The following RBFOX1 variants were observed in gnomAD, a reference collection of about 807,000 sequenced individuals.
The protein encoded by RBFOX1 is RNA binding protein fox-1 homolog 1.
In RBFOX1, 8 loss-of-function variants were observed where a neutral mutation model predicts 57.7. The observed-to-expected ratio is 0.14, with a 90% CI of 0.08 to 0.25. The LOEUF (loss-of-function observed/expected upper bound fraction) is 0.25. Among genes scored for constraint, RBFOX1 ranks in the 10% least tolerant of loss-of-function variants. RBFOX1 has a pLI of 1.00. For synonymous variants in RBFOX1, 326 were observed against 222.4 expected (o/e 1.47, Z -4.15); for missense variants, 611 against 548.5 (o/e 1.11, Z -1.14).
At chr16:7,145,892 C>T (rs899659049) in intron 4 of RBFOX1, among the ~76,000 whole-genome samples, 5 of 152,120 alleles carry the variant, frequency 3.3e-5, no homozygotes, top group African/African-American at 1.2e-4. Flanking sequence ...CTGAGGTTCC[C>T]ATCCCCTCAA....
chr16:7,616,064 G>A lies in RBFOX1; in HGVS notation c.676+8726G>A, dbSNP rs570742969. Among the ~76,000 whole-genome samples the A allele has an allele frequency of 9.2e-5, 14 of 152,290 alleles. No individual in the cohort carries two copies. In the South Asian group the frequency reaches 2.5e-3, roughly 27 times the overall value. The stretch of plus-strand genomic sequence containing the variant: ...GTATTGTGATTATTTACTCCAGAAG[G>A]GAAAAGCATAAACTTTGATTTGATA... On this transcript the variant is annotated intron_variant, in intron 10 of 15. Transcript: ENST00000550418.
intron 1 of RBFOX1, among the ~76,000 whole-genome samples, chr16:5,304,284 T>C (rs946873785): frequency 2.6e-5 from 4 of 152,210 alleles, no homozygotes; most frequent in African/African-American, 9.6e-5. Context: ...ATTGGTAGCA[T>C]CCTCTGCTAT....
intron 1 of RBFOX1, among the ~76,000 whole-genome samples, chr16:6,197,846 G>A (rs779065550): frequency 5.1e-4 from 78 of 151,736 alleles, no homozygotes; most frequent in Non-Finnish European, 8.7e-4. Context: ...TGTTCCCTTC[G>A]TGTCCATGAG....
At chr16:7,505,070 G>C (rs2072779295) in intron 4 of RBFOX1, among the ~76,000 whole-genome samples, 1 of 151,324 alleles carries the variant, frequency 6.6e-6, no homozygotes, top group South Asian at 2.1e-4. Context: ...AGTGCCCCGA[G>C]GTGCTGAGTG....
intron 3 of RBFOX1, among the ~76,000 whole-genome samples, chr16:6,862,702 T>G (rs1370575295): frequency 6.6e-6 from 1 of 152,122 alleles, no homozygotes; most frequent in Non-Finnish European, 1.5e-5. Flanking sequence ...AGATGCTGTT[T>G]AAGAATTGTC....
At chr16:6,082,391 A>C (rs1446382243) in intron 1 of RBFOX1, among the ~76,000 whole-genome samples, 1 of 85,420 alleles carries the variant, frequency 1.2e-5, no homozygotes, top group Non-Finnish European at 2.3e-5. Flanking sequence ...TTTAGTAGTC[A>C]TGGGGTCTCA....
rs143408840 is a variant in RBFOX1, at chr16:7,637,148, G to A, written c.757+6465G>A. ...TATGCTTATCAATGCCAATGAGCGC[G>A]TTTTCCACAGTTCCATGAAAGCCAG... On this transcript the variant is annotated intron_variant, in intron 11 of 15. Coordinates refer to ENST00000550418, the MANE Select transcript of RBFOX1 (RefSeq NM_018723.4). Among the ~76,000 whole-genome samples the A allele has an allele frequency of 1.2e-3, 185 of 152,006 alleles. 1 individual carries two copies. Among genetic ancestry groups the A allele is most frequent in the Non-Finnish European group, 2.3e-3 (154 of 67,962 alleles).
chr16:7,393,014 C>T (rs145503442), intron 4 of RBFOX1, among the ~76,000 whole-genome samples: 2,405 of 152,266 alleles, frequency 0.016, 71 homozygotes, highest in African/African-American at 0.055. Flanking sequence ...GCTGGGACTA[C>T]AGGCCCATGC....
At chr16:7,333,936 A>T (rs2096738079) in intron 4 of RBFOX1, among the ~76,000 whole-genome samples, 1 of 152,162 alleles carries the variant, frequency 6.6e-6, no homozygotes, top group South Asian at 2.1e-4. Context: ...GAGTATAATC[A>T]TCCCTTTGCA....
intron 3 of RBFOX1, among the ~76,000 whole-genome samples, chr16:6,997,642 T>G (rs1191162005): frequency 1.3e-5 from 2 of 152,160 alleles, no homozygotes; most frequent in African/African-American, 2.4e-5. Flanking sequence ...TTTTAAAGGG[T>G]CTTTCTCTTT....
At chr16:7,164,948 G>C (rs1314656787) in intron 4 of RBFOX1, among the ~76,000 whole-genome samples, 1 of 152,172 alleles carries the variant, frequency 6.6e-6, no homozygotes, top group Non-Finnish European at 1.5e-5. Context: ...ATAGGATATG[G>C]AGTTGGCAGC....
chr16:5,434,408 A>G (rs1319045574), intron 1 of RBFOX1, among the ~76,000 whole-genome samples: 3 of 135,694 alleles, frequency 2.2e-5, no homozygotes, highest in Admixed American at 8.6e-5. Context: ...TGCAACCTCC[A>G]CCTCCCAAGT....
chr16:6,936,124 T>A (rs2077331305), intron 3 of RBFOX1, among the ~76,000 whole-genome samples: 1 of 152,192 alleles, frequency 6.6e-6, no homozygotes, highest in African/African-American at 2.4e-5. Flanking sequence ...GGGGTTCAGC[T>A]TCTGTACACT....
chr16:6,077,113 A>G (rs71386424), intron 1 of RBFOX1, among the ~76,000 whole-genome samples: 57,683 of 151,916 alleles, frequency 0.38, 12,076 homozygotes, highest in Non-Finnish European at 0.49. Context: ...AGGGAAACGT[A>G]AAATGGGGAT....
intron 3 of RBFOX1, among the ~76,000 whole-genome samples, chr16:5,860,114 A>G (rs941240212): frequency 6.6e-6 from 1 of 151,852 alleles, no homozygotes; most frequent in Non-Finnish European, 1.5e-5. Flanking sequence ...ATGGAGTCTC[A>G]CTCTGTCGCC....
At position 6,614,441 on chromosome 16, in the gene RBFOX1, C is replaced by G. The variant is rs559123098; in HGVS notation, c.-63-40162C>G. Among the ~76,000 whole-genome samples, 6 of 152,318 alleles carry G rather than the reference C, an allele frequency of 3.9e-5. No individual in the cohort carries two copies. In the South Asian group the frequency reaches 8.3e-4, roughly 21 times the overall value. On this transcript the variant is annotated intron_variant, in intron 2 of 15. Transcript: ENST00000550418. ...ATTAAAAAGAATAAAAGCAGACCTG[C>G]TTTTTCCTGCCCAGTTAATCTTTAC...
intron 3 of RBFOX1, among the ~76,000 whole-genome samples, chr16:5,762,690 G>A (rs991015115): frequency 2.0e-4 from 30 of 152,012 alleles, no homozygotes; most frequent in African/African-American, 7.0e-4. Flanking sequence ...TTCCAATAAC[G>A]GGGAAAAAAA....
Position 7,399,514 on chromosome 16 carries a change from G to A in RBFOX1, c.28-118633G>A, listed in dbSNP as rs141123633. The stretch of plus-strand genomic sequence containing the variant: ...CAATGTCAGCAGATTGGCTCCTTAT[G>A]GAGACTTTGGATACTTTGAGGGAAA... On this transcript the variant is annotated intron_variant, in intron 4 of 15. Transcript: ENST00000550418. Among the ~76,000 whole-genome samples, 18 of 152,248 alleles carry A rather than the reference G, an allele frequency of 1.2e-4. No individual in the cohort carries two copies. In the East Asian group the frequency reaches 2.5e-3, roughly 21 times the overall value.
At chr16:6,340,151 G>C (rs936752302) in intron 2 of RBFOX1, among the ~76,000 whole-genome samples, 1 of 152,092 alleles carries the variant, frequency 6.6e-6, no homozygotes. Flanking sequence ...CAAAATTCTT[G>C]TTAACCATGT....
Sources: allele counts gnomAD v4.1 joint callset (sites outside exome capture counted in the v4.1 genomes callset), GRCh38; gene constraint gnomAD v4.1.1; transcripts MANE v1.5; gene names NCBI Gene and HGNC (gene_info 2026-07-23, HGNC 2026-07-21).